WIPF1: variants seen among roughly 807,000 people sequenced by gnomAD.
WIPF1 encodes WAS/WASL-interacting protein family member 1.
In WIPF1, 13 loss-of-function variants were observed where a neutral mutation model predicts 35.4. That is an observed-to-expected ratio of 0.37 (90% CI 0.24 to 0.58). The LOEUF (loss-of-function observed/expected upper bound fraction) is 0.58. WIPF1 is among the 20% of genes least tolerant of loss of function. WIPF1 has a pLI of 0.74. For synonymous variants in WIPF1, 267 were observed against 266.3 expected, an observed-to-expected ratio of 1.00 and a Z score of -0.02; for missense variants, 591 against 667.0, an observed-to-expected ratio of 0.89 and a Z score of 1.25.
intron 1 of WIPF1, among the ~76,000 whole-genome samples, chr2:174,589,676 A>T (rs1685544494): frequency 6.6e-6 from 1 of 152,244 alleles, no homozygotes; most frequent in South Asian, 2.1e-4. Context: ...ACTGAAATGT[A>T]GCATTTCCTT....
intron 1 of WIPF1, among the ~76,000 whole-genome samples, chr2:174,596,780 T>C (rs1292217887): frequency 6.6e-6 from 1 of 152,184 alleles, no homozygotes; most frequent in African/African-American, 2.4e-5. Flanking sequence ...TAAAGTTATA[T>C]GTGCCTTCTG....
chr2:174,611,388 C>A (rs79914252), intron 1 of WIPF1, among the ~76,000 whole-genome samples: 2,107 of 151,216 alleles, frequency 0.014, 55 homozygotes, highest in African/African-American at 0.049. Flanking sequence ...AACAAACAAA[C>A]AAAAAAACTT....
At chr2:174,615,397 T>C (rs1357474221) in intron 1 of WIPF1, among the ~76,000 whole-genome samples, 1 of 152,222 alleles carries the variant, frequency 6.6e-6, no homozygotes, top group African/African-American at 2.4e-5. Flanking sequence ...AGCATGGTTA[T>C]GTATTTTAAG....
At chr2:174,660,309 G>A (rs995476387) in intron 1 of WIPF1, among the ~76,000 whole-genome samples, 2 of 152,182 alleles carry the variant, frequency 1.3e-5, no homozygotes, top group East Asian at 3.8e-4. Flanking sequence ...TACTAGCTCC[G>A]TGACCCTAAG....
chr2:174,627,505 T>C (rs1686882111), intron 1 of WIPF1, among the ~76,000 whole-genome samples: 1 of 147,068 alleles, frequency 6.8e-6, no homozygotes, highest in African/African-American at 2.5e-5. Context: ...CTTCCTCCCT[T>C]CCTTCCTTCC....
At chr2:174,644,072 T>C (rs923530416) in intron 1 of WIPF1, among the ~76,000 whole-genome samples, 3 of 152,198 alleles carry the variant, frequency 2.0e-5, no homozygotes, top group African/African-American at 7.2e-5. Flanking sequence ...AATTTTATCA[T>C]GTGTTCAGTT....
At chr2:174,616,822 T>C (rs1686520427) in intron 1 of WIPF1, among the ~76,000 whole-genome samples, 2 of 152,152 alleles carry the variant, frequency 1.3e-5, no homozygotes, top group East Asian at 1.9e-4. Flanking sequence ...GACAAGAACT[T>C]TGTCAGTAAT....
chr2:174,587,333 G>C (rs569957806), intron 1 of WIPF1: 1 of 152,016 alleles, frequency 6.6e-6, no homozygotes, highest in African/African-American at 2.4e-5. Flanking sequence ...ACTCCCAATA[G>C]TCCCTTAATT....
In WIPF1 at chr2:174,672,478, T is replaced by C. The variant is rs140234265; in HGVS notation, c.-39+10296A>G. Among the ~76,000 whole-genome samples the C allele has an allele frequency of 7.8e-4, 119 of 152,364 alleles. 1 individual carries two copies. The Middle Eastern group carries it at 0.01, about 13-fold the overall frequency. On this transcript the variant is annotated intron_variant, in intron 1 of 8. Transcript: ENST00000272746. ...ATTCAAGTATAAACGAAGAACTCCATGAGTTCGCTAAAATATAAATTGATC... is the reference window on the plus strand; with the variant it reads ...ATTCAAGTATAAACGAAGAACTCCACGAGTTCGCTAAAATATAAATTGATC...
Position 174,559,634 on chromosome 2 carries a change from T to C in WIPF1, c.*2913A>G, listed in dbSNP as rs1274061961. ...AAAGATGCAGATGTCTAGGGTAGTC[T>C]CTACCCTACCACTTACACTATCCTG... On this transcript the variant is annotated 3_prime_UTR_variant, in exon 8 of 8. Coordinates refer to ENST00000679041, the MANE Select transcript of WIPF1 (RefSeq NM_001375834.1). The C allele has an allele frequency of 1.3e-5, 2 of 152,228 alleles. No homozygotes were observed. Among genetic ancestry groups the C allele is most frequent in the Non-Finnish European group, 2.9e-5 (2 of 67,998 alleles). 9.4% of individuals were successfully genotyped at this position (152,228 alleles called of 1,614,324 possible).
intron 7 of WIPF1, chr2:174,566,838 A>AAAT (rs74971001): frequency 2.2e-4 from 98 of 444,286 alleles, no homozygotes; most frequent in Non-Finnish European, 3.5e-4. Flanking sequence ...AATACTAGCA[A>AAAT]ACCACGGTAT....
intron 1 of WIPF1, among the ~76,000 whole-genome samples, chr2:174,672,704 C>T (rs956223510): frequency 3.3e-5 from 5 of 152,180 alleles, no homozygotes; most frequent in Non-Finnish European, 5.9e-5. Context: ...TGTGTCCCAT[C>T]GGAGGCATCA....
At chr2:174,630,919 T>C (rs1330691598) in intron 1 of WIPF1, among the ~76,000 whole-genome samples, 1 of 152,186 alleles carries the variant, frequency 6.6e-6, no homozygotes, top group East Asian at 1.9e-4. Context: ...CCAAGTCCCC[T>C]CTGCATCCTT....
intron 7 of WIPF1, among the ~76,000 whole-genome samples, chr2:174,564,815 GCACACACACACACACACACA>G (rs10587549): frequency 7.0e-6 from 1 of 143,414 alleles, no homozygotes; most frequent in East Asian, 2.1e-4. Context: ...TTCTTCTGGT[GCACACACACACACACACACA>G]CACACACACA....
chr2:174,605,517 C>G (rs921315545), intron 1 of WIPF1, among the ~76,000 whole-genome samples: 69 of 151,918 alleles, frequency 4.5e-4, no homozygotes, highest in African/African-American at 1.6e-3. Flanking sequence ...AAAAATGAGG[C>G]AATTGGAAAT....
chr2:174,623,814 C>G (rs1686747698), intron 1 of WIPF1, among the ~76,000 whole-genome samples: 1 of 152,182 alleles, frequency 6.6e-6, no homozygotes, highest in Admixed American at 6.5e-5. Context: ...AGTCCCTCCT[C>G]CTGAATATGC....
chr2:174,575,440 A>G (rs1685024658), intron 3 of WIPF1, 60 bp from the exon 4 acceptor site: 1 of 1,522,478 alleles, frequency 6.6e-7, no homozygotes, highest in African/African-American at 1.4e-5. Flanking sequence ...GTAAACCATA[A>G]AACAACAGTA....
intron 1 of WIPF1, among the ~76,000 whole-genome samples, chr2:174,649,485 G>A (rs10209221): frequency 0.01 from 1,598 of 152,206 alleles, 35 homozygotes; most frequent in African/African-American, 0.036. Flanking sequence ...CCAGGGCTAC[G>A]TGTCACCCCT....
chr2:174,570,344 T>A (rs1684787550), intron 5 of WIPF1: 1 of 152,256 alleles, frequency 6.6e-6, no homozygotes, highest in Admixed American at 6.5e-5. Flanking sequence ...AAAAGAATGT[T>A]ATCAATGATT....
Sources: allele counts gnomAD v4.1 joint callset (sites outside exome capture counted in the v4.1 genomes callset), GRCh38; gene constraint gnomAD v4.1.1; transcripts MANE v1.5; gene names NCBI Gene and HGNC (gene_info 2026-07-23, HGNC 2026-07-21).